The following KREMEN1 variants were observed in gnomAD, a reference collection of about 807,000 sequenced individuals.
KREMEN1 encodes the protein kremen protein 1.
In KREMEN1, 30 loss-of-function variants were observed where a neutral mutation model predicts 46.5. The ratio of observed to expected loss-of-function variants is 0.65; its 90% CI spans 0.48 to 0.88. The LOEUF (loss-of-function observed/expected upper bound fraction) is 0.88. Ranked by LOEUF, KREMEN1 falls within the 40% of genes least tolerant of loss-of-function variation. The pLI, the probability that KREMEN1 is intolerant of heterozygous loss-of-function variation, is 0.00. For synonymous variants in KREMEN1, 214 were observed against 230.6 expected, an observed-to-expected ratio of 0.93 and a Z score of 0.65; for missense variants, 533 against 596.9, an observed-to-expected ratio of 0.89 and a Z score of 1.11.
At chr22:29,087,199 T>C (rs1337450767) in intron 1 of KREMEN1, among the ~76,000 whole-genome samples, 1 of 152,212 alleles carries the variant, frequency 6.6e-6, no homozygotes, top group African/African-American at 2.4e-5. Flanking sequence ...GATGCTGTAA[T>C]TGAATTTAAT....
chr22:29,090,714 T>C (rs1385707139), intron 1 of KREMEN1, among the ~76,000 whole-genome samples: 1 of 152,220 alleles, frequency 6.6e-6, no homozygotes, highest in Non-Finnish European at 1.5e-5. Context: ...AGTACTCTGA[T>C]GAAATCAAGA....
chr22:29,146,984 C>T (rs560877251), downstream of KREMEN1, among the ~76,000 whole-genome samples: 2 of 152,240 alleles, frequency 1.3e-5, no homozygotes, highest in Admixed American at 6.5e-5. Flanking sequence ...CTTGTGACAG[C>T]TTCGACCCAC....
At chr22:29,165,163 A>C (rs1293774213) in intron 9 of KREMEN1, among the ~76,000 whole-genome samples, 2 of 151,670 alleles carry the variant, frequency 1.3e-5, no homozygotes, top group African/African-American at 2.4e-5. Context: ...ACGGAGCGAG[A>C]CTCCATCTCA....
At position 29,141,974 on chromosome 22, in the gene KREMEN1, T is replaced by TAGGGATTGTCATCAACC; in HGVS notation, c.1245_1261dup (p.Thr421IlefsTer42). ...ATCGTGTTCCTGCTTCAGGGGACCTTAGGGATTGTCATCAACCAGGGACTT... is the reference window on the plus strand; with the variant it reads ...ATCGTGTTCCTGCTTCAGGGGACCTTAGGGATTGTCATCAACCAGGGATTGTCATCAACCAGGGACTT... On this transcript the variant is annotated frameshift_variant, in exon 9 of 9. Coordinates refer to ENST00000400335, the MANE Select transcript of KREMEN1 (RefSeq NM_001039570.3). LOFTEE classifies it high-confidence loss of function. The TAGGGATTGTCATCAACC allele has an allele frequency of 6.8e-6, 11 of 1,611,562 alleles. No individual in the cohort carries two copies. Among genetic ancestry groups the TAGGGATTGTCATCAACC allele is most frequent in the Non-Finnish European group, 9.3e-6 (11 of 1,178,954 alleles).
chr22:29,078,494 A>AAAGAAG (rs134606), intron 1 of KREMEN1, among the ~76,000 whole-genome samples: 17 of 147,608 alleles, frequency 1.2e-4, no homozygotes, highest in East Asian at 3.9e-4. Context: ...AAAAAAAAAA[A>AAAGAAG]AAGAAGAAGA....
chr22:29,131,560 A>ATATATGTG (rs1240832937), intron 5 of KREMEN1, among the ~76,000 whole-genome samples: 102 of 69,872 alleles, frequency 1.5e-3, no homozygotes, highest in African/African-American at 6.3e-3. Context: ...ATATATATAT[A>ATATATGTG]TGTGTGTGTG....
intron 7 of KREMEN1, 36 bp downstream of exon 7, chr22:29,138,818 A>AT (rs2038713545): frequency 4.3e-6 from 7 of 1,614,100 alleles, no homozygotes; most frequent in Non-Finnish European, 3.4e-6. Flanking sequence ...GGGGGCTGGA[A>AT]GCCACAGAGT....
At chr22:29,076,205 A>C (rs148322693) in intron 1 of KREMEN1, among the ~76,000 whole-genome samples, 1 of 152,300 alleles carries the variant, frequency 6.6e-6, no homozygotes, top group African/African-American at 2.4e-5. Context: ...TTCTCCACTC[A>C]GGTTATGTTT....
chr22:29,094,435 C>G lies in KREMEN1; in HGVS notation c.260+15C>G, dbSNP rs752424746. 3 of 1,603,094 alleles carry G rather than the reference C, an allele frequency of 1.9e-6. No homozygotes were observed. In the South Asian group the frequency reaches 3.3e-5, roughly 18 times the overall value. The stretch of plus-strand genomic sequence containing the variant: ...AACTATTGCAGGTAAGATGGGGCCA[C>G]TCAGTACTTTAAAAAGATAGATATA... On this transcript the variant is annotated intron_variant, in intron 2 of 8. Transcript: ENST00000400335.
At position 29,131,608 on chromosome 22, in the gene KREMEN1, GTGTGTATATATATGTATATA is replaced by G. The variant is rs1569331278; in HGVS notation, c.632-5730_632-5711del. Among the ~76,000 whole-genome samples the G allele has an allele frequency of 4.8e-4, 64 of 132,222 alleles. 1 individual carries two copies. Among genetic ancestry groups the G allele is most frequent in the African/African-American group, 1.9e-3 (59 of 31,280 alleles). 86.7% of individuals were successfully genotyped at this position (132,222 alleles called of 152,430 possible). A position where few individuals can be genotyped will look rare whatever the true frequency, so the allele number is the denominator to read the frequency against. ...TGTGTGTGTGTGTATATGTATATAT[GTGTGTATATATATGTATATA>G]TGTATATATATGTGTGTATATATAT... On this transcript the variant is annotated intron_variant, in intron 5 of 8. Coordinates refer to ENST00000400335, the MANE Select transcript of KREMEN1 (RefSeq NM_001039570.3).
In KREMEN1 at chr22:29,098,866, C is replaced by A. The variant is rs763361689; in HGVS notation, c.265C>A (p.Pro89Thr). Reference protein sequence around the residue: ...GLGEHNYCRNPDGDVSPWCYV... With the variant: ...GLGEHNYCRNTDGDVSPWCYV... ...TTGTGTCCTTTTCCCCAACAGAAAT[C>A]CAGATGGAGACGTGAGCCCCTGGTG... The change falls in exon 3 of 9, where the codon CCA becomes ACA. Residue 89 changes from proline to threonine, a missense_variant. Coordinates refer to ENST00000400335, the MANE Select transcript of KREMEN1 (RefSeq NM_001039570.3). 1.2e-6 allele frequency: 2 copies of A among 1,613,110 alleles called. No homozygotes were observed. The highest frequency in any genetic ancestry group is 1.7e-6 in the Non-Finnish European group (2 of 1,179,096).
intron 1 of KREMEN1, among the ~76,000 whole-genome samples, chr22:29,085,560 G>C (rs2037715775): frequency 6.6e-6 from 1 of 152,202 alleles, no homozygotes; most frequent in Non-Finnish European, 1.5e-5. Context: ...CTTCAGTCAG[G>C]ATCTAAACAA....
At position 29,138,700 on chromosome 22, in the gene KREMEN1, C is replaced by A; in HGVS notation, c.1041C>A (p.Asn347Lys). ...CCGAGGTGATCACGGAGCAGGCCAA[C>A]CTCAGTGTCAGCGCTGCCCGGTCCT... ...TVAEVITEQA[N>K]LSVSAARSSK... is the part of the protein sequence containing the mutation. The change falls in exon 7 of 9, where the codon AAC becomes AAA. Residue 347 changes from asparagine (N) to lysine (K), a missense_variant. By Grantham distance (94) the Asn-to-Lys change is moderately conservative. Coordinates refer to ENST00000400335, the MANE Select transcript of KREMEN1 (RefSeq NM_001039570.3). 1 of 1,614,230 alleles carries A rather than the reference C, an allele frequency of 6.2e-7. No individual in the cohort carries two copies. The highest frequency in any genetic ancestry group is 1.1e-5 in the South Asian group (1 of 91,090).
At position 29,145,277 on chromosome 22, in the gene KREMEN1, G is replaced by T; in HGVS notation, c.*3165G>T. 1 of 985,650 alleles carries T rather than the reference G, an allele frequency of 1.0e-6. No individual in the cohort carries two copies. Among genetic ancestry groups the T allele is most frequent in the Non-Finnish European group, 1.2e-6 (1 of 830,066 alleles). 61.1% of individuals were successfully genotyped at this position (985,650 alleles called of 1,614,324 possible). ...GTGGGGGTTGGAGGTGGCGAAAAGA[G>T]GGTAACCCTGGGAAAGTCAGTCAGA... On this transcript the variant is annotated 3_prime_UTR_variant, in exon 9 of 9. Transcript: ENST00000400335.
intron 3 of KREMEN1, among the ~76,000 whole-genome samples, chr22:29,117,353 G>A (rs1352482319): frequency 1.3e-5 from 2 of 152,174 alleles, no homozygotes; most frequent in African/African-American, 4.8e-5. Flanking sequence ...GGATCGCAAG[G>A]TCAGGAGATC....
intron 6 of KREMEN1, 90 bp downstream of exon 6, chr22:29,137,764 G>A (rs566037634): frequency 2.6e-5 from 27 of 1,030,382 alleles, no homozygotes; most frequent in South Asian, 2.2e-4. Flanking sequence ...CAGTTCTTGC[G>A]GGGCAGATTG....
At chr22:29,155,491 C>A (rs1294228437) in intron 9 of KREMEN1, among the ~76,000 whole-genome samples, 1 of 151,726 alleles carries the variant, frequency 6.6e-6, no homozygotes, top group Admixed American at 6.6e-5. Flanking sequence ...GCCGTGATCA[C>A]GCCATTGCAC....
At chr22:29,129,261 C>A (rs919257227) in intron 5 of KREMEN1, among the ~76,000 whole-genome samples, 1 of 151,916 alleles carries the variant, frequency 6.6e-6, no homozygotes, top group African/African-American at 2.4e-5. Flanking sequence ...GCAGGAGAAT[C>A]GCTTCAACCC....
rs1488811385 is a variant in KREMEN1 at position 29,164,759 on chromosome 22, A to C, written c.1417-2285A>C. Among the ~76,000 whole-genome samples the C allele has an allele frequency of 2.7e-5, 4 of 149,856 alleles. 1 individual carries two copies. Among genetic ancestry groups the C allele is most frequent in the African/African-American group, 7.4e-5 (3 of 40,694 alleles). On this transcript the variant is annotated intron_variant, in intron 9 of 9. Transcript: ENST00000327813. ...GAAACTCCATCTCAAAAAAAAAACA[A>C]AAAAAAAAACCCAAAACAAGGAACT...
Sources: gnomAD v4.1 joint callset for allele counts (sites outside exome capture counted in the v4.1 genomes callset) on GRCh38, gnomAD v4.1.1 for gene constraint, MANE v1.5 for transcripts, NCBI Gene and HGNC (gene_info 2026-07-23, HGNC 2026-07-21) for gene names.